Variants in MAGI2 observed in about 807,000 individuals in gnomAD.
MAGI2 encodes membrane-associated guanylate kinase, WW and PDZ domain-containing protein 2.
In MAGI2, 35 loss-of-function variants were observed where a neutral mutation model predicts 133.3. The ratio of observed to expected loss-of-function variants is 0.26; its 90% confidence interval spans 0.20 to 0.35. The LOEUF (loss-of-function observed/expected upper bound fraction) is 0.35. MAGI2 is among the 10% of genes least tolerant of loss of function. The pLI is 1.00. For missense variants in MAGI2, 1,636 were observed against 1,863.4 expected, an observed-to-expected ratio of 0.88 and a Z score of 2.25; for synonymous variants, 729 against 710.6, an observed-to-expected ratio of 1.03 and a Z score of -0.41.
At chr7:79,358,647 T>C (rs987515712) in intron 1 of MAGI2, among the ~76,000 whole-genome samples, 9 of 152,172 alleles carry the variant, frequency 5.9e-5, no homozygotes, top group East Asian at 3.9e-4. Context: ...AGGGTAGTAG[T>C]TGAGAGTTAG....
In MAGI2 at chr7:79,070,783, G is replaced by A. The variant is rs376831525; in HGVS notation, c.302-63577C>T. On this transcript the variant is annotated intron_variant, in intron 1 of 21. Transcript: ENST00000354212. ...TGGGATTACAGGTGTGAGCCACCGC[G>A]CCCAGCCCATCAGGTCATTTATGCT... 2.8e-4 allele frequency among the ~76,000 whole-genome samples: 43 copies of A among 152,082 alleles called. 1 individual carries two copies. Among genetic ancestry groups the A allele is most frequent in the East Asian group, 7.8e-4 (4 of 5,114 alleles).
intron 2 of MAGI2, among the ~76,000 whole-genome samples, chr7:78,719,389 G>T (rs1471277350): frequency 6.6e-6 from 1 of 152,114 alleles, no homozygotes; most frequent in Non-Finnish European, 1.5e-5. Flanking sequence ...AAATCCAACT[G>T]TAAGTGACCT....
intron 1 of MAGI2, among the ~76,000 whole-genome samples, chr7:79,055,848 C>T (rs1562839284): frequency 6.6e-6 from 1 of 152,096 alleles, no homozygotes; most frequent in Non-Finnish European, 1.5e-5. Flanking sequence ...TGCACACAAC[C>T]TCTTGGTCCA....
At chr7:78,821,103 C>A (rs1454750605) in intron 2 of MAGI2, among the ~76,000 whole-genome samples, 1 of 151,966 alleles carries the variant, frequency 6.6e-6, no homozygotes, top group African/African-American at 2.4e-5. Context: ...TAGTAATAAG[C>A]AGATTTTATG....
intron 1 of MAGI2, among the ~76,000 whole-genome samples, chr7:79,316,407 C>T (rs1242248956): frequency 1.3e-5 from 2 of 152,162 alleles, no homozygotes; most frequent in Admixed American, 1.3e-4. Flanking sequence ...TCCACAGTTT[C>T]ATGTCGCCCA....
chr7:78,589,108 A>C (rs1803717700), intron 3 of MAGI2, among the ~76,000 whole-genome samples: 1 of 152,136 alleles, frequency 6.6e-6, no homozygotes, highest in Non-Finnish European at 1.5e-5. Context: ...CCTATCACAG[A>C]GCTGTTTCCT....
At chr7:78,673,068 C>A (rs193147839) in intron 2 of MAGI2, among the ~76,000 whole-genome samples, 1 of 152,110 alleles carries the variant, frequency 6.6e-6, no homozygotes, top group Admixed American at 6.6e-5. Context: ...TTTATCAATA[C>A]CTTTGTTTTA....
chr7:78,650,677 C>A (rs1416397265), intron 2 of MAGI2, among the ~76,000 whole-genome samples: 1 of 152,018 alleles, frequency 6.6e-6, no homozygotes, highest in African/African-American at 2.4e-5. Flanking sequence ...TAATCATTAC[C>A]ATTCCAAGTC....
At chr7:78,821,539 A>G (rs1790112867) in intron 2 of MAGI2, among the ~76,000 whole-genome samples, 1 of 152,040 alleles carries the variant, frequency 6.6e-6, no homozygotes. Flanking sequence ...TATTGTATTT[A>G]CTGACCATTA....
intron 16 of MAGI2, among the ~76,000 whole-genome samples, chr7:78,148,320 T>C (rs1823522392): frequency 6.6e-6 from 1 of 152,154 alleles, no homozygotes; most frequent in Admixed American, 6.5e-5. Context: ...ATTCCATTTA[T>C]ATAGGAGAGG....
intron 1 of MAGI2, among the ~76,000 whole-genome samples, chr7:79,248,146 T>C (rs1469149187): frequency 6.6e-6 from 1 of 151,796 alleles, no homozygotes; most frequent in East Asian, 1.9e-4. Flanking sequence ...AAGACAAAAA[T>C]AGACTAAAAA....
chr7:78,505,543 G>A (rs1049566243), intron 4 of MAGI2, among the ~76,000 whole-genome samples: 4 of 152,148 alleles, frequency 2.6e-5, no homozygotes, highest in African/African-American at 9.7e-5. Context: ...CATACAAAAT[G>A]TCACGTTGCA....
intron 20 of MAGI2, among the ~76,000 whole-genome samples, chr7:78,115,063 A>C (rs933282651): frequency 2.6e-5 from 4 of 152,240 alleles, no homozygotes; most frequent in Non-Finnish European, 4.4e-5. Context: ...ATAGGGAAGA[A>C]AGTAAAGAAT....
intron 21 of MAGI2, among the ~76,000 whole-genome samples, chr7:78,070,126 C>CACAT (rs3084738): frequency 0.36 from 48,554 of 135,948 alleles, 9,828 homozygotes; most frequent in Middle Eastern, 0.48. Flanking sequence ...CACACACACA[C>CACAT]ATATATGTGT....
At chr7:78,961,063 A>C (rs1479451052) in intron 2 of MAGI2, among the ~76,000 whole-genome samples, 1 of 152,060 alleles carries the variant, frequency 6.6e-6, no homozygotes, top group East Asian at 1.9e-4. Flanking sequence ...CATTTATTTC[A>C]GGCCTTAGCT....
At chr7:78,369,256 A>G (rs919601648) in intron 6 of MAGI2, 43 bp from the exon 7 acceptor site, 8 of 1,317,826 alleles carry the variant, frequency 6.1e-6, no homozygotes, top group Non-Finnish European at 8.6e-6. Flanking sequence ...GAATATCACA[A>G]TTTCTAATAA....
chr7:78,030,295 C>T (rs1035230346), intron 21 of MAGI2, among the ~76,000 whole-genome samples: 5 of 152,178 alleles, frequency 3.3e-5, no homozygotes, highest in African/African-American at 9.7e-5. Flanking sequence ...GATGGAGTCT[C>T]GCTCTGTCAC....
chr7:79,344,542 T>C (rs1304528849), intron 1 of MAGI2, among the ~76,000 whole-genome samples: 1 of 152,090 alleles, frequency 6.6e-6, no homozygotes, highest in African/African-American at 2.4e-5. Flanking sequence ...AAATAGGATT[T>C]CTTATGCCAG....
chr7:78,956,389 T>C (rs796691374), intron 2 of MAGI2, among the ~76,000 whole-genome samples: 1 of 152,080 alleles, frequency 6.6e-6, no homozygotes, highest in East Asian at 1.9e-4. Context: ...AGTCTCTGCA[T>C]GCATATCTCA....
Sources: allele counts gnomAD v4.1 joint callset (sites outside exome capture counted in the v4.1 genomes callset), GRCh38; gene constraint gnomAD v4.1.1; transcripts MANE v1.5; gene names NCBI Gene and HGNC (gene_info 2026-07-23, HGNC 2026-07-21).